Variants in RAVER1 observed in about 807,000 individuals in gnomAD.
RAVER1 encodes the protein ribonucleoprotein PTB-binding 1.
In RAVER1, 36 loss-of-function variants were observed where a neutral mutation model predicts 68.4. The ratio of observed to expected loss-of-function variants is 0.53; its 90% CI spans 0.40 to 0.70. The LOEUF (loss-of-function observed/expected upper bound fraction) is 0.70. Ranked by LOEUF, RAVER1 falls within the 30% of genes least tolerant of loss-of-function variation. RAVER1 has a pLI of 0.00. For missense variants in RAVER1, 933 were observed against 1,019.8 expected (o/e 0.91, Z 1.16); for synonymous variants, 469 against 472.7 (o/e 0.99, Z 0.10).
chr19:10,326,262 TATAAA>T (rs1333429529), intron 3 of RAVER1, among the ~76,000 whole-genome samples: 5 of 152,004 alleles, frequency 3.3e-5, no homozygotes, highest in Admixed American at 2.6e-4. Context: ...CTTAAAAAAA[TATAAA>T]ATAAAATAAA....
Position 10,329,443 on chromosome 19 carries a change from A to G in RAVER1, c.287-332T>C, listed in dbSNP as rs1319493594. Among the ~76,000 whole-genome samples the G allele has an allele frequency of 6.6e-6, 1 of 152,232 alleles. No individual in the cohort carries two copies. ...TAAGCCCATGCTCACTGGGGCCCAG[A>G]TTTAAGCCCCAAGCCCCAGGTGGCT... On this transcript the variant is annotated intron_variant, in intron 2 of 12. Coordinates refer to ENST00000617231, the MANE Select transcript of RAVER1 (RefSeq NM_133452.3). The surrounding 1 kb of genome is among the most constrained non-coding windows in gnomAD (Gnocchi z 4.6).
chr19:10,317,180 A>C lies in RAVER1; in HGVS notation c.*274T>G, dbSNP rs2040395883. The C allele has an allele frequency of 2.0e-6, 1 of 495,242 alleles. No homozygotes were observed. The highest frequency in any genetic ancestry group is 3.6e-5 in the Admixed American group (1 of 27,568). The allele number at this position is 495,242 out of a possible 1,614,324, so 30.7% of individuals were successfully genotyped here. On this transcript the variant is annotated 3_prime_UTR_variant, in exon 13 of 13. Transcript: ENST00000617231. This position sits in a 1 kb window ranked among gnomAD's most constrained non-coding sequence, Gnocchi z 4.3. ...GGAGAGACGGGCACAGCGGAGGAGGAGATGGGGGGAGGGAGGGAGAGCAGG... is the reference window on the plus strand; with the variant it reads ...GGAGAGACGGGCACAGCGGAGGAGGCGATGGGGGGAGGGAGGGAGAGCAGG...
At position 10,323,083 on chromosome 19, in the gene RAVER1, G is replaced by A; in HGVS notation, c.1078+62C>T. On this transcript the variant is annotated intron_variant, in intron 5 of 12. Transcript: ENST00000617231. This position sits in a 1 kb window ranked among gnomAD's most constrained non-coding sequence, Gnocchi z 6.2. ...GCCAAGATGAGCAGTTTCGGGAAGT[G>A]CCGGGGGCAGCGCTGCAGCCCCTGT... is the stretch of plus-strand genomic sequence containing the variant. The A allele has an allele frequency of 7.3e-7, 1 of 1,376,432 alleles. No homozygotes were observed. Among genetic ancestry groups the A allele is most frequent in the Non-Finnish European group, 9.8e-7 (1 of 1,022,970 alleles). 85.3% of individuals were successfully genotyped at this position (1,376,432 alleles called of 1,614,324 possible).
intron 11 of RAVER1, among the ~76,000 whole-genome samples, chr19:10,318,023 A>G (rs926599410): frequency 1.3e-5 from 2 of 152,226 alleles, no homozygotes; most frequent in African/African-American, 4.8e-5. Flanking sequence ...GAAGTGACAG[A>G]AAGCCCGGAA....
rs559223772 is a variant in RAVER1 at position 10,322,055 on chromosome 19, T to C, written c.1174-437A>G. ...ATGTGTGTGTGTGTCTGTGTGTGTG[T>C]GTGCGTGTATATCTGTGTCTTTGTT... On this transcript the variant is annotated intron_variant, in intron 6 of 12. Transcript: ENST00000617231. This position sits in a 1 kb window ranked among gnomAD's most constrained non-coding sequence, Gnocchi z 4.3. The C allele has an allele frequency of 1.2e-4, 20 of 161,964 alleles. No homozygotes were observed. The highest frequency in any genetic ancestry group is 4.8e-4 in the African/African-American group (20 of 41,886). The allele number at this position is 161,964 out of a possible 1,614,324, so 10.0% of individuals were successfully genotyped here.
Position 10,330,399 on chromosome 19 carries a change from G to T in RAVER1, c.286+61C>A, listed in dbSNP as rs560190275. 14 of 798,038 alleles carry T rather than the reference G, an allele frequency of 1.8e-5. No homozygotes were observed. In the Admixed American group the frequency reaches 2.8e-4, roughly 16 times the overall value. 49.4% of individuals were successfully genotyped at this position (798,038 alleles called of 1,614,324 possible). On this transcript the variant is annotated intron_variant, in intron 2 of 12. Coordinates refer to ENST00000617231, the MANE Select transcript of RAVER1 (RefSeq NM_133452.3). ...GCTCAGAGCAGCAGACAGTGAGCCA[G>T]GCCCTCCCATCTTCAGGGATGGTCA...
At chr19:10,325,273 G>A (rs2145076630) in intron 3 of RAVER1, among the ~76,000 whole-genome samples, 1 of 152,142 alleles carries the variant, frequency 6.6e-6, no homozygotes, top group East Asian at 1.9e-4. Context: ...CACCCAGACT[G>A]GAATGCAGTA....
intron 3 of RAVER1, among the ~76,000 whole-genome samples, chr19:10,327,981 C>T (rs1237010013): frequency 6.6e-6 from 1 of 151,018 alleles, no homozygotes; most frequent in East Asian, 1.9e-4. Context: ...TGAGTCCCTG[C>T]TTATGGAGGA....
intron 2 of RAVER1, 133 bp downstream of exon 2, chr19:10,330,327 T>C (rs1324556121): frequency 1.4e-5 from 8 of 579,362 alleles, no homozygotes; most frequent in Non-Finnish European, 2.2e-5. Context: ...GACAGGCAGA[T>C]TGGGGCAACC....
In RAVER1 at chr19:10,322,594, A is replaced by G. The variant is rs2040445816; in HGVS notation, c.1173+51T>C. On this transcript the variant is annotated intron_variant, in intron 6 of 12. Coordinates refer to ENST00000617231, the MANE Select transcript of RAVER1 (RefSeq NM_133452.3). This position sits in a 1 kb window ranked among gnomAD's most constrained non-coding sequence, Gnocchi z 4.3. ...CACCGATCGCACCAGCTGTGTTGAAAAGAGCCTGTAGGGGCTGTAGAGCAG... is the reference window on the plus strand; with the variant it reads ...CACCGATCGCACCAGCTGTGTTGAAGAGAGCCTGTAGGGGCTGTAGAGCAG... 7.7e-7 allele frequency: 1 copy of G among 1,304,112 alleles called. No homozygotes were observed. The highest frequency in any genetic ancestry group is 2.9e-5 in the East Asian group (1 of 34,570). The allele number at this position is 1,304,112 out of a possible 1,614,324, so 80.8% of individuals were successfully genotyped here. A position where few individuals can be genotyped will look rare whatever the true frequency, so the allele number is the denominator to read the frequency against.
rs1162170099 is a variant in RAVER1, at chr19:10,333,097, G to A, written c.219+192C>T. Among the ~76,000 whole-genome samples the A allele has an allele frequency of 6.6e-6, 1 of 151,470 alleles. No homozygotes were observed. Among genetic ancestry groups the A allele is most frequent in the Non-Finnish European group, 1.5e-5 (1 of 67,928 alleles). On this transcript the variant is annotated intron_variant, in intron 1 of 12. Coordinates refer to ENST00000617231, the MANE Select transcript of RAVER1 (RefSeq NM_133452.3). This position sits in a 1 kb window ranked among gnomAD's most constrained non-coding sequence, Gnocchi z 4.2. ...CCCTAGCAACGCCCTCCCTCACTTC[G>A]CAGTCGGTTTCCCCTTTCATCATCG...
intron 9 of RAVER1, 70 bp downstream of exon 9, chr19:10,320,585 A>G (rs1003402067): frequency 4.5e-5 from 63 of 1,407,178 alleles, no homozygotes; most frequent in Non-Finnish European, 6.0e-5. Flanking sequence ...GGCATAGTCA[A>G]TCCTAGAGAA....
chr19:10,326,591 C>T (rs955901525), intron 3 of RAVER1, among the ~76,000 whole-genome samples: 4 of 150,788 alleles, frequency 2.7e-5, no homozygotes, highest in African/African-American at 7.3e-5. Flanking sequence ...ATTACAGGCG[C>T]GTGGCGCCAT....
In RAVER1 at chr19:10,327,327, G is replaced by A. The variant is rs80222334; in HGVS notation, c.756+1315C>T. 5.3e-5 allele frequency among the ~76,000 whole-genome samples: 8 copies of A among 152,060 alleles called. No individual in the cohort carries two copies. The East Asian group carries it at 1.5e-3, about 29-fold the overall frequency. On this transcript the variant is annotated intron_variant, in intron 3 of 12. Transcript: ENST00000617231. ...CTGTAGTGTCATGGTGCTGTGGTGC[G>A]ATCATGGCTCACTGCAGCCTCGGAC...
rs2040497326 is a variant in RAVER1 at position 10,329,239 on chromosome 19, T to C, written c.287-128A>G. 3.2e-6 allele frequency: 2 copies of C among 634,018 alleles called. No individual in the cohort carries two copies. Among genetic ancestry groups the C allele is most frequent in the African/African-American group, 1.8e-5 (1 of 54,390 alleles). The allele number at this position is 634,018 out of a possible 1,614,324, so 39.3% of individuals were successfully genotyped here. A position where few individuals can be genotyped will look rare whatever the true frequency, so the allele number is the denominator to read the frequency against. On this transcript the variant is annotated intron_variant, in intron 2 of 12. Transcript: ENST00000617231. The surrounding 1 kb of genome is among the most constrained non-coding windows in gnomAD (Gnocchi z 4.6). ...CTCAGGTGCCTGCTGATCTGAGCAG[T>C]TGCCAGCCTTGGCGACTCACACAGG...
In RAVER1 at chr19:10,320,786, G is replaced by A; in HGVS notation, c.1639C>T (p.Pro547Ser). The change falls in exon 9 of 13, where the codon CCA becomes TCA. Residue 547 changes from proline (P) to serine (S), a missense_variant. By Grantham distance (74) the Pro-to-Ser change is moderately conservative. This residue lies in a region of RAVER1 where 699 missense variants were observed against 731.1 expected (regional missense o/e 0.96). Coordinates refer to ENST00000617231, the MANE Select transcript of RAVER1 (RefSeq NM_133452.3). ...CTGCTGCTGCCACCTCCAGGGGCTGGGGGGTTAGTTGGGGGGCCCTCAGCT... is the reference window on the plus strand; with the variant it reads ...CTGCTGCTGCCACCTCCAGGGGCTGAGGGGTTAGTTGGGGGGCCCTCAGCT... ...RPAEGPPTNP[P>S]APGGGSSSSK... 8 of 1,523,666 alleles carry A rather than the reference G, an allele frequency of 5.3e-6. No individual in the cohort carries two copies. Among genetic ancestry groups the A allele is most frequent in the Non-Finnish European group, 7.0e-6 (8 of 1,143,742 alleles). The allele number at this position is 1,523,666 out of a possible 1,614,324, so 94.4% of individuals were successfully genotyped here.
chr19:10,332,521 T>C (rs559717273), intron 1 of RAVER1, among the ~76,000 whole-genome samples: 8 of 152,274 alleles, frequency 5.3e-5, no homozygotes, highest in Admixed American at 3.9e-4. Flanking sequence ...CCACCCGGTG[T>C]GCTGGTGGGC....
In RAVER1 at chr19:10,322,494, A is replaced by C; in HGVS notation, c.1173+151T>G. On this transcript the variant is annotated intron_variant, in intron 6 of 12. Coordinates refer to ENST00000617231, the MANE Select transcript of RAVER1 (RefSeq NM_133452.3). This position sits in a 1 kb window ranked among gnomAD's most constrained non-coding sequence, Gnocchi z 4.3. ...AGAGGGGGATGGGGATGTGGGTGGG[A>C]AAGGCAGGGGTTTGGGGGAGTCGCC... 1 of 563,130 alleles carries C rather than the reference A, an allele frequency of 1.8e-6. No homozygotes were observed. The highest frequency in any genetic ancestry group is 2.4e-5 in the South Asian group (1 of 42,122). The allele number at this position is 563,130 out of a possible 1,614,324, so 34.9% of individuals were successfully genotyped here.
At chr19:10,324,325 C>G (rs1819424260) in intron 3 of RAVER1, among the ~76,000 whole-genome samples, 1 of 152,164 alleles carries the variant, frequency 6.6e-6, no homozygotes, top group South Asian at 2.1e-4. Flanking sequence ...TCACCTCTGC[C>G]CACGCCCTGT....
Sources: allele counts gnomAD v4.1 joint callset (sites outside exome capture counted in the v4.1 genomes callset), GRCh38; gene constraint gnomAD v4.1.1; regional missense constraint gnomAD v4.1.1; non-coding constraint Gnocchi (gnomAD v3.1); transcripts MANE v1.5; gene names NCBI Gene and HGNC (gene_info 2026-07-23, HGNC 2026-07-21).